The following NRXN1 variants were observed in gnomAD, a reference collection of about 807,000 sequenced individuals.
NRXN1 encodes neurexin-1.
A neutral mutation model predicts 150.9 loss-of-function variants in NRXN1; 39 were observed. That is an observed-to-expected ratio of 0.26 (90% CI 0.20 to 0.34). The LOEUF (loss-of-function observed/expected upper bound fraction) is 0.34, where lower values mean the gene tolerates loss of function less well. Among genes scored for constraint, NRXN1 ranks in the 10% least tolerant of loss-of-function variants. The pLI is 1.00. For missense variants in NRXN1, 1,815 were observed against 1,949.9 expected (o/e 0.93, Z 1.30); for synonymous variants, 924 against 757.0 (o/e 1.22, Z -3.62).
intron 2 of NRXN1, among the ~76,000 whole-genome samples, chr2:50,977,875 T>C (rs1374838717): frequency 2.6e-5 from 4 of 151,812 alleles, no homozygotes; most frequent in East Asian, 3.9e-4. Context: ...AAATAGGGCA[T>C]TGCATCTATT....
At chr2:50,138,080 A>C (rs1281968696) in intron 18 of NRXN1, among the ~76,000 whole-genome samples, 1 of 152,240 alleles carries the variant, frequency 6.6e-6, no homozygotes, top group African/African-American at 2.4e-5. Context: ...GTAAAAAAGA[A>C]ATGTAAAAAA....
intron 17 of NRXN1, among the ~76,000 whole-genome samples, chr2:50,323,571 C>CCATATATATATATATATATATA (rs2076186713): frequency 6.9e-6 from 1 of 144,324 alleles, no homozygotes; most frequent in African/African-American, 2.5e-5. Flanking sequence ...GGGAAATAAA[C>CCATATATATATATATATATATA]TATATATATA....
intron 8 of NRXN1, among the ~76,000 whole-genome samples, chr2:50,609,516 C>T (rs899661826): frequency 6.6e-6 from 1 of 152,014 alleles, no homozygotes; most frequent in African/African-American, 2.4e-5. Context: ...CTCTCAGAGC[C>T]TCAATTACAT....
chr2:49,961,461 T>C (rs981624344), intron 21 of NRXN1, among the ~76,000 whole-genome samples: 12 of 151,990 alleles, frequency 7.9e-5, no homozygotes, highest in African/African-American at 2.9e-4. Context: ...ACAGCAATGC[T>C]GGAATTAAAC....
At chr2:50,926,095 G>C (rs1392346339) in intron 2 of NRXN1, 140 bp from the exon 3 acceptor site, 2 of 705,914 alleles carry the variant, frequency 2.8e-6, no homozygotes, top group Non-Finnish European at 5.2e-6. Context: ...TCATTCAAGG[G>C]GGAAAACAAA....
At chr2:50,301,054 A>C (rs950208639) in intron 17 of NRXN1, among the ~76,000 whole-genome samples, 2 of 152,218 alleles carry the variant, frequency 1.3e-5, no homozygotes, top group East Asian at 3.9e-4. Context: ...GAACAAAAAT[A>C]CAAAAAGAGC....
intron 2 of NRXN1, among the ~76,000 whole-genome samples, chr2:50,949,934 A>G (rs1391009613): frequency 6.6e-6 from 1 of 152,138 alleles, no homozygotes; most frequent in Non-Finnish European, 1.5e-5. Context: ...GGGGAAAACT[A>G]CAATTTGACT....
chr2:50,468,795 T>C (rs2089179712), intron 16 of NRXN1, among the ~76,000 whole-genome samples: 1 of 151,390 alleles, frequency 6.6e-6, no homozygotes. Context: ...AAAAAGGCAA[T>C]GATACCTATT....
chr2:49,969,314 C>A (rs1480757698), intron 21 of NRXN1, among the ~76,000 whole-genome samples: 7 of 151,860 alleles, frequency 4.6e-5, no homozygotes, highest in African/African-American at 1.5e-4. Flanking sequence ...GATTTTGAAG[C>A]CAATGGAGGG....
chr2:50,468,195 C>G (rs1318072010), intron 16 of NRXN1, among the ~76,000 whole-genome samples: 4 of 151,344 alleles, frequency 2.6e-5, no homozygotes, highest in African/African-American at 9.7e-5. Context: ...TTTGTTTTTT[C>G]AAAAATTATC....
chr2:50,887,573 G>A (rs1680442787), intron 5 of NRXN1, among the ~76,000 whole-genome samples: 1 of 151,376 alleles, frequency 6.6e-6, no homozygotes, highest in Non-Finnish European at 1.5e-5. Context: ...TAACATCTGT[G>A]AGTTTATCTA....
intron 18 of NRXN1, among the ~76,000 whole-genome samples, chr2:50,131,958 T>C (rs17039938): frequency 0.02 from 3,117 of 152,196 alleles, 115 homozygotes; most frequent in African/African-American, 0.072. Context: ...TTTGTTGTGG[T>C]TTTCAGTGAG....
intron 2 of NRXN1, among the ~76,000 whole-genome samples, chr2:50,976,867 A>T (rs1273094069): frequency 6.6e-6 from 1 of 152,058 alleles, no homozygotes; most frequent in Non-Finnish European, 1.5e-5. Context: ...TGGGATTCAT[A>T]TTAAGATATA....
At chr2:50,158,723 T>C (rs1416843887) in intron 18 of NRXN1, among the ~76,000 whole-genome samples, 1 of 152,158 alleles carries the variant, frequency 6.6e-6, no homozygotes, top group Non-Finnish European at 1.5e-5. Context: ...CAGTGGAATA[T>C]TGTTTTTAAT....
At chr2:50,251,220 C>T (rs2067036725) in intron 17 of NRXN1, among the ~76,000 whole-genome samples, 1 of 151,928 alleles carries the variant, frequency 6.6e-6, no homozygotes, top group South Asian at 2.1e-4. Context: ...TGGTGAGCTC[C>T]CCTTCCTGTG....
At chr2:50,897,306 ATTG>A (rs1465906917) in intron 5 of NRXN1, among the ~76,000 whole-genome samples, 1 of 152,174 alleles carries the variant, frequency 6.6e-6, no homozygotes, top group Admixed American at 6.5e-5. Context: ...CGCTCAATAA[ATTG>A]TTTTCTCTGA....
At chr2:49,924,680 T>C (rs1432029341) in intron 22 of NRXN1, among the ~76,000 whole-genome samples, 5 of 152,196 alleles carry the variant, frequency 3.3e-5, no homozygotes, top group African/African-American at 7.2e-5. Flanking sequence ...TTAAGTCATA[T>C]GAGGCCTAAA....
chr2:50,548,517 G>T (rs1037165898), intron 9 of NRXN1, among the ~76,000 whole-genome samples: 11 of 152,190 alleles, frequency 7.2e-5, no homozygotes, highest in Admixed American at 5.2e-4. Context: ...TGTAAAAAAT[G>T]ATGCTGCTAA....
At chr2:50,520,619 T>C (rs1298505282) in intron 12 of NRXN1, among the ~76,000 whole-genome samples, 6 of 152,018 alleles carry the variant, frequency 3.9e-5, no homozygotes, top group African/African-American at 1.2e-4. Flanking sequence ...GCTGATTACT[T>C]CTTCACTGCC....
Sources: gnomAD v4.1 joint callset for allele counts (sites outside exome capture counted in the v4.1 genomes callset) on GRCh38, gnomAD v4.1.1 for gene constraint, MANE v1.5 for transcripts, NCBI Gene and HGNC (gene_info 2026-07-23, HGNC 2026-07-21) for gene names.